BTD: variants seen among roughly 807,000 people sequenced by gnomAD.
The protein encoded by BTD is biotinidase, also known as biocytinase.
A neutral mutation model predicts 17.7 loss-of-function variants in BTD; 13 were observed. That is an observed-to-expected ratio of 0.74 (90% CI 0.48 to 1.17). The LOEUF (loss-of-function observed/expected upper bound fraction) is 1.17. Among genes scored for constraint, BTD ranks in the 50% most tolerant of loss-of-function variants. BTD has a pLI of 0.00. For synonymous variants in BTD, 240 were observed against 245.2 expected (o/e 0.98, Z 0.20); for missense variants, 674 against 650.4 (o/e 1.04, Z -0.39).
At chr3:15,718,913 C>CT (rs2073386530) in intron 4 of BTD, among the ~76,000 whole-genome samples, 1 of 152,116 alleles carries the variant, frequency 6.6e-6, no homozygotes, top group African/African-American at 2.4e-5. Context: ...GAGGAAAAAA[C>CT]TAACTTTTCT....
At chr3:15,706,789 G>A (rs1343815653) in intron 3 of BTD, among the ~76,000 whole-genome samples, 1 of 152,104 alleles carries the variant, frequency 6.6e-6, no homozygotes, top group Non-Finnish European at 1.5e-5. Context: ...ATTCTAACTG[G>A]TGTGAGATGG....
At chr3:15,625,928 A>G (rs1047060141) in intron 1 of BTD, among the ~76,000 whole-genome samples, 1 of 152,210 alleles carries the variant, frequency 6.6e-6, no homozygotes, top group African/African-American at 2.4e-5. Flanking sequence ...TTTTCTTGTT[A>G]AAATCTGTTC....
At chr3:15,682,619 C>T (rs369898802) in intron 3 of BTD, among the ~76,000 whole-genome samples, 149 of 152,288 alleles carry the variant, frequency 9.8e-4, no homozygotes, top group African/African-American at 3.5e-3. Flanking sequence ...TTAGTATCTA[C>T]AGCCAGTGTT....
rs2065021810 is a variant in BTD at position 15,624,423 on chromosome 3, T to C, written c.-16-11001T>C. On this transcript the variant is annotated intron_variant, in intron 1 of 3. Coordinates refer to ENST00000643237, the MANE Select transcript of BTD (RefSeq NM_001370658.1). ...TTTTTTCAGTCTTTTTTCTCTTTGCTTTTCAGTTTTGGGCATTTCTATTGT... is the reference window on the plus strand; with the variant it reads ...TTTTTTCAGTCTTTTTTCTCTTTGCCTTTCAGTTTTGGGCATTTCTATTGT... Among the ~76,000 whole-genome samples, 3 of 152,188 alleles carry C rather than the reference T, an allele frequency of 2.0e-5. No homozygotes were observed. In the South Asian group the frequency reaches 6.2e-4, roughly 32 times the overall value.
chr3:15,660,761 G>T (rs899026373), intron 3 of BTD, among the ~76,000 whole-genome samples: 2 of 152,132 alleles, frequency 1.3e-5, no homozygotes, highest in African/African-American at 4.8e-5. Flanking sequence ...AAAATCCTCT[G>T]TTCTCTGCCT....
intron 3 of BTD, among the ~76,000 whole-genome samples, chr3:15,691,723 A>G (rs1220394084): frequency 1.3e-5 from 2 of 152,242 alleles, no homozygotes; most frequent in African/African-American, 4.8e-5. Flanking sequence ...ACGGAATTCT[A>G]CTGTTTTAGG....
rs779736146 is a variant in BTD at position 15,651,077 on chromosome 3, A to G, written c.*5589A>G. Among the ~76,000 whole-genome samples the G allele has an allele frequency of 6.6e-6, 1 of 152,056 alleles. No individual in the cohort carries two copies. The highest frequency in any genetic ancestry group is 6.6e-5 in the Admixed American group (1 of 15,260). On this transcript the variant is annotated 3_prime_UTR_variant, in exon 4 of 4. Coordinates refer to ENST00000643237, the MANE Select transcript of BTD (RefSeq NM_001370658.1). ...GCCACCGTACCCGGCCAGGGCTGTG[A>G]TATTCTGATCAGCCAGCACTGAGTC... is the stretch of plus-strand genomic sequence containing the variant.
chr3:15,649,889 G>A lies in BTD; in HGVS notation c.*4401G>A, dbSNP rs1043687615. Reference sequence around the variant, plus strand: ...TAGTAGTGAGTGACAGCTCTGTGCTGGATGCACATAAATGGTCTCCCTTAA... The same window carrying A: ...TAGTAGTGAGTGACAGCTCTGTGCTAGATGCACATAAATGGTCTCCCTTAA... On this transcript the variant is annotated 3_prime_UTR_variant, in exon 4 of 4. Coordinates refer to ENST00000643237, the MANE Select transcript of BTD (RefSeq NM_001370658.1). Among the ~76,000 whole-genome samples the A allele has an allele frequency of 6.6e-6, 1 of 152,206 alleles. No individual in the cohort carries two copies. The highest frequency in any genetic ancestry group is 1.5e-5 in the Non-Finnish European group (1 of 68,040).
At chr3:15,642,315 C>A in intron 3 of BTD, 2 of 1,373,508 alleles carry the variant, frequency 1.5e-6, no homozygotes, top group Non-Finnish European at 1.9e-6. Context: ...TAAACCAAAC[C>A]AAAAGTAAAA....
At position 15,650,495 on chromosome 3, in the gene BTD, C is replaced by T. The variant is rs2065785069; in HGVS notation, c.*5007C>T. ...GGGGAGTCTAAGAATAAATTCTCTT[C>T]AGCCATTGCTGAATCTAGGGGCTCA... On this transcript the variant is annotated 3_prime_UTR_variant, in exon 4 of 4. Transcript: ENST00000643237. 1.3e-5 allele frequency among the ~76,000 whole-genome samples: 2 copies of T among 151,980 alleles called. No individual in the cohort carries two copies. The highest frequency in any genetic ancestry group is 6.5e-5 in the Admixed American group (1 of 15,268).
In BTD at chr3:15,685,531, A is replaced by G. The variant is rs1016058377; in HGVS notation, c.400-24529A>G. The stretch of plus-strand genomic sequence containing the variant: ...CAGCTAATTAAAAACTTTAAAGACC[A>G]TACTCTCCATATCCTTCCATCAATT... On this transcript the variant is annotated intron_variant, in intron 3 of 3. Transcript: ENST00000672141. 5.3e-6 allele frequency: 6 copies of G among 1,132,576 alleles called. No individual in the cohort carries two copies. The African/African-American group carries it at 9.2e-5, about 17-fold the overall frequency. The allele number at this position is 1,132,576 out of a possible 1,614,324, so 70.2% of individuals were successfully genotyped here.
chr3:15,686,874 A>G (rs1409459441), intron 3 of BTD, among the ~76,000 whole-genome samples: 2 of 152,302 alleles, frequency 1.3e-5, no homozygotes, highest in African/African-American at 4.8e-5. Flanking sequence ...TAAGAGAATA[A>G]CAGAATTTAA....
At chr3:15,606,768 A>C (rs2064467560) in intron 1 of BTD, 1 of 152,188 alleles carries the variant, frequency 6.6e-6, no homozygotes, top group Non-Finnish European at 1.5e-5. Flanking sequence ...AAATGATTTG[A>C]GTTCTGGCTC....
At chr3:15,706,663 A>T (rs1275213185) in intron 3 of BTD, among the ~76,000 whole-genome samples, 1 of 152,186 alleles carries the variant, frequency 6.6e-6, no homozygotes, top group East Asian at 1.9e-4. Context: ...ATGAATCGCC[A>T]CACTGTCTTC....
chr3:15,695,392 T>C (rs2069386801), intron 3 of BTD, among the ~76,000 whole-genome samples: 1 of 152,114 alleles, frequency 6.6e-6, no homozygotes, highest in South Asian at 2.1e-4. Flanking sequence ...TCTATATACA[T>C]AGGTCTAAAA....
intron 3 of BTD, among the ~76,000 whole-genome samples, chr3:15,671,364 A>G (rs17041429): frequency 0.041 from 6,273 of 152,246 alleles, 420 homozygotes; most frequent in African/African-American, 0.14. Flanking sequence ...CCAAGCTTCA[A>G]TTATACCATA....
At chr3:15,623,777 A>G (rs2065007049) in intron 1 of BTD, among the ~76,000 whole-genome samples, 1 of 152,014 alleles carries the variant, frequency 6.6e-6, no homozygotes, top group South Asian at 2.1e-4. Flanking sequence ...AGCACTTCCC[A>G]CTTAGCTCTC....
rs2065834781 is a variant in BTD, at chr3:15,653,272, C to G, written c.*7784C>G. On this transcript the variant is annotated 3_prime_UTR_variant, in exon 4 of 4. Transcript: ENST00000643237. ...ATTCCGATCCTAATCAAGTGTGAGC[C>G]CACTGTCTAATGCGGTGCATACCAA... Among the ~76,000 whole-genome samples, 1 of 152,230 alleles carries G rather than the reference C, an allele frequency of 6.6e-6. No individual in the cohort carries two copies. The highest frequency in any genetic ancestry group is 1.5e-5 in the Non-Finnish European group (1 of 68,042).
At chr3:15,602,023 C>T (rs910612085) in intron 1 of BTD, 129 bp downstream of exon 1, 11 of 1,500,032 alleles carry the variant, frequency 7.3e-6, no homozygotes, top group African/African-American at 1.4e-5. Context: ...AAGCCCGGCG[C>T]GCGTCGTTTG....
Sources: gnomAD v4.1 joint callset for allele counts (sites outside exome capture counted in the v4.1 genomes callset) on GRCh38, gnomAD v4.1.1 for gene constraint, MANE v1.5 for transcripts, NCBI Gene and HGNC (gene_info 2026-07-23, HGNC 2026-07-21) for gene names.